Variants in SPMIP3 observed in about 807,000 individuals in gnomAD.
SPMIP3 encodes the protein sperm microtubule inner protein 3.
the SPMIP3 span, among the ~76,000 whole-genome samples, chr1:244,357,228 T>TTACTTTCTAATGAGGGCAGGG: frequency 0.38 from 58,199 of 151,532 alleles, 11,608 homozygotes; most frequent in Middle Eastern, 0.48. Flanking sequence ...ACCATGGAGA[T>TTACTTTCTAATGAGGGCAGGG]TGAAACAAAT....
the SPMIP3 span, chr1:244,389,084 C>T: frequency 6.3e-5 from 101 of 1,591,862 alleles, 1 homozygote; most frequent in African/African-American, 1.1e-3. Flanking sequence ...GGCATTCGAA[C>T]AAAATAACGT....
the SPMIP3 span, among the ~76,000 whole-genome samples, chr1:244,359,072 T>C: frequency 6.9e-6 from 1 of 145,362 alleles, no homozygotes; most frequent in Non-Finnish European, 1.5e-5. Flanking sequence ...TTGACTAAAA[T>C]AAAATGTACT....
chr1:244,364,107 C>T, the SPMIP3 span, among the ~76,000 whole-genome samples: 1 of 127,602 alleles, frequency 7.8e-6, no homozygotes, highest in Admixed American at 7.8e-5. Context: ...TTTGCTTTTG[C>T]TTTTTCTTTT....
chr1:244,389,045 A>T, the SPMIP3 span: 2 of 1,613,500 alleles, frequency 1.2e-6, no homozygotes, highest in Non-Finnish European at 1.7e-6. Flanking sequence ...GCAGCTTTGA[A>T]AGAAATGCTT....
At chr1:244,353,979 A>T in the SPMIP3 span, among the ~76,000 whole-genome samples, 1 of 152,094 alleles carries the variant, frequency 6.6e-6, no homozygotes, top group Non-Finnish European at 1.5e-5. Flanking sequence ...GCATCCTCAG[A>T]TCACTAGGGC....
the SPMIP3 span, among the ~76,000 whole-genome samples, chr1:244,364,413 A>G: frequency 6.6e-6 from 1 of 151,564 alleles, no homozygotes; most frequent in Non-Finnish European, 1.5e-5. Context: ...CCTGCTTTTT[A>G]TTTTCTTATT....
chr1:244,374,587 CTTTTTTTTTTTTT>C, the SPMIP3 span, among the ~76,000 whole-genome samples: 1 of 74,616 alleles, frequency 1.3e-5, no homozygotes, highest in Non-Finnish European at 2.4e-5. Context: ...CCACATTTCT[CTTTTTTTTTTTTT>C]TTTTTTTTTT....
At chr1:244,365,315 G>A in the SPMIP3 span, among the ~76,000 whole-genome samples, 7 of 152,160 alleles carry the variant, frequency 4.6e-5, no homozygotes, top group Admixed American at 1.3e-4. Flanking sequence ...CCTACGTGTC[G>A]TGGGAGGGAC....
chr1:244,361,235 C>CTTTTTTTTTTT, the SPMIP3 span, among the ~76,000 whole-genome samples: 99 of 119,286 alleles, frequency 8.3e-4, 5 homozygotes, highest in East Asian at 5.1e-3. Context: ...TTCTTTCTTT[C>CTTTTTTTTTTT]TTTTTTTTTT....
At chr1:244,366,886 A>G in the SPMIP3 span, among the ~76,000 whole-genome samples, 1 of 152,172 alleles carries the variant, frequency 6.6e-6, no homozygotes, top group African/African-American at 2.4e-5. Flanking sequence ...TCTCAAAAAA[A>G]AGAAAGAAAG....
At chr1:244,365,819 C>T in the SPMIP3 span, among the ~76,000 whole-genome samples, 1 of 152,246 alleles carries the variant, frequency 6.6e-6, no homozygotes, top group South Asian at 2.1e-4. Flanking sequence ...GCAATCCAAG[C>T]CCACATTTTG....
the SPMIP3 span, among the ~76,000 whole-genome samples, chr1:244,373,926 C>T: frequency 1.4e-4 from 22 of 152,104 alleles, no homozygotes; most frequent in Admixed American, 1.2e-3. Flanking sequence ...CCATCCTAGC[C>T]ACCATGGTGA....
chr1:244,380,068 A>G, the SPMIP3 span, among the ~76,000 whole-genome samples: 3,675 of 149,880 alleles, frequency 0.025, 178 homozygotes, highest in African/African-American at 0.085. Flanking sequence ...TCCTGCTGTC[A>G]TTGGTGCTTT....
chr1:244,373,883 G>T, the SPMIP3 span, among the ~76,000 whole-genome samples: 3 of 152,044 alleles, frequency 2.0e-5, no homozygotes, highest in Non-Finnish European at 4.4e-5. Flanking sequence ...GGAGGCCAAG[G>T]TGGGCGGATC....
the SPMIP3 span, among the ~76,000 whole-genome samples, chr1:244,355,552 T>C: frequency 6.6e-6 from 1 of 152,048 alleles, no homozygotes; most frequent in African/African-American, 2.4e-5. Context: ...CACGCCTGGC[T>C]AATTTTTGTG....
chr1:244,379,589 C>G, the SPMIP3 span, among the ~76,000 whole-genome samples: 1 of 152,112 alleles, frequency 6.6e-6, no homozygotes, highest in African/African-American at 2.4e-5. Context: ...TTCTTATTCC[C>G]GATTTCAAAC....
At chr1:244,357,214 ACCCACC>A in the SPMIP3 span, among the ~76,000 whole-genome samples, 1,220 of 96,388 alleles carry the variant, frequency 0.013, 6 homozygotes, top group Non-Finnish European at 0.021. Context: ...GAGCCACTGC[ACCCACC>A]ATGGAGATTG....
chr1:244,363,935 T>C, the SPMIP3 span, among the ~76,000 whole-genome samples: 4 of 152,178 alleles, frequency 2.6e-5, no homozygotes, highest in Admixed American at 2.6e-4. Context: ...ATTCTTGTTG[T>C]GAGGCACTCT....
chr1:244,377,155 G>A, the SPMIP3 span, among the ~76,000 whole-genome samples: 1 of 144,336 alleles, frequency 6.9e-6, no homozygotes, highest in African/African-American at 2.6e-5. Context: ...ACGGAGTCTC[G>A]CTGTCTCCCA....
Sources: gnomAD v4.1 joint callset for allele counts (sites outside exome capture counted in the v4.1 genomes callset) on GRCh38, gnomAD v4.1.1 for gene constraint, MANE v1.5 for transcripts, NCBI Gene and HGNC (gene_info 2026-07-23, HGNC 2026-07-21) for gene names.